The following MYOM1 variants were observed in gnomAD, a reference collection of about 807,000 sequenced individuals.
The protein encoded by MYOM1 is myomesin-1.
A neutral mutation model predicts 205.3 loss-of-function variants in MYOM1; 164 were observed. That is an observed-to-expected ratio of 0.80 (90% CI 0.70 to 0.91). The LOEUF (loss-of-function observed/expected upper bound fraction) is 0.91. Ranked by LOEUF, MYOM1 falls within the 40% of genes least tolerant of loss-of-function variation. MYOM1 has a pLI of 0.00. For synonymous variants in MYOM1, 772 were observed against 789.4 expected (o/e 0.98, Z 0.37); for missense variants, 2,011 against 2,127.3 (o/e 0.95, Z 1.08).
At chr18:3,092,419 T>C (rs1391114116) in intron 26 of MYOM1, among the ~76,000 whole-genome samples, 1 of 151,890 alleles carries the variant, frequency 6.6e-6, no homozygotes, top group Non-Finnish European at 1.5e-5. Context: ...TTTCAAACTC[T>C]GAGCCTCAAG....
chr18:3,147,030 ATAT>A (rs938076498), intron 13 of MYOM1, among the ~76,000 whole-genome samples: 5 of 140,252 alleles, frequency 3.6e-5, no homozygotes, highest in Non-Finnish European at 6.0e-5. Context: ...ATCATCAGAA[ATAT>A]TATATATAAA....
At chr18:3,082,487 C>T (rs985212788) in intron 33 of MYOM1, among the ~76,000 whole-genome samples, 1 of 152,090 alleles carries the variant, frequency 6.6e-6, no homozygotes, top group Non-Finnish European at 1.5e-5. Flanking sequence ...TGAGCAGTGC[C>T]CCCCATATTG....
upstream of MYOM1, among the ~76,000 whole-genome samples, chr18:3,224,657 T>C (rs1185762118): frequency 6.6e-6 from 1 of 151,168 alleles, no homozygotes; most frequent in Non-Finnish European, 1.5e-5. Context: ...GGAAATGGAA[T>C]TATCATTATT....
chr18:3,210,379 G>A (rs1449616966), intron 2 of MYOM1, among the ~76,000 whole-genome samples: 1 of 152,162 alleles, frequency 6.6e-6, no homozygotes, highest in Middle Eastern at 3.2e-3. Context: ...ACGTGGGAGT[G>A]GGGGTGGTTG....
the MYOM1 span, among the ~76,000 whole-genome samples, chr18:3,231,846 CCTT>C: frequency 8.4e-6 from 1 of 119,618 alleles, no homozygotes; most frequent in African/African-American, 3.6e-5. Context: ...CCAGCCGCAT[CCTT>C]TTTTTTTTTT....
At chr18:3,129,643 A>G in intron 17 of MYOM1, 124 bp from the exon 18 acceptor site, 1 of 1,034,446 alleles carries the variant, frequency 9.7e-7, no homozygotes, top group Admixed American at 3.0e-5. Flanking sequence ...CTTGGCTTAA[A>G]GAAAATCGCT....
At chr18:3,150,400 C>T (rs2080201170) in intron 12 of MYOM1, among the ~76,000 whole-genome samples, 4 of 152,272 alleles carry the variant, frequency 2.6e-5, no homozygotes, top group South Asian at 2.1e-4. Flanking sequence ...GATGCCACTA[C>T]ACGTACTGAA....
chr18:3,135,364 A>C lies in MYOM1; in HGVS notation c.2209+183T>G. On this transcript the variant is annotated intron_variant, in intron 15 of 37. Transcript: ENST00000356443. The surrounding 1 kb of genome is among the most constrained non-coding windows in gnomAD (Gnocchi z 4.1). ...TCAATATTGTTGAAACTCCCAAAGA[A>C]GTTTACTTTTCATAAACAAAAATAA... 1 of 529,382 alleles carries C rather than the reference A, an allele frequency of 1.9e-6. No individual in the cohort carries two copies. The highest frequency in any genetic ancestry group is 3.3e-6 in the Non-Finnish European group (1 of 307,468). 32.8% of individuals were successfully genotyped at this position (529,382 alleles called of 1,614,324 possible).
chr18:3,118,493 C>T (rs2079638283), intron 20 of MYOM1, among the ~76,000 whole-genome samples: 1 of 148,144 alleles, frequency 6.8e-6, no homozygotes, highest in African/African-American at 2.4e-5. Flanking sequence ...CCATCATGCC[C>T]AGCTAATTAA....
chr18:3,089,847 T>C (rs941461672), intron 27 of MYOM1, among the ~76,000 whole-genome samples: 4 of 152,238 alleles, frequency 2.6e-5, no homozygotes, highest in Non-Finnish European at 5.9e-5. Context: ...GGCCTTTCCA[T>C]TGCCTTCGTA....
rs1480424411 is a variant in MYOM1, at chr18:3,149,195, G to A, written c.1850C>T (p.Pro617Leu). 1.2e-6 allele frequency: 2 copies of A among 1,612,060 alleles called. No individual in the cohort carries two copies. Among genetic ancestry groups the A allele is most frequent in the South Asian group, 2.2e-5 (2 of 90,586 alleles). Residue 617 changes from proline to leucine, a missense_variant, in exon 13 of 38, where the codon CCC becomes CTC. Pro to Leu is a moderately conservative substitution (Grantham distance 98, BLOSUM62 -3). Transcript: ENST00000356443. Reference sequence around the variant, plus strand: ...GATCTGTCCAGTCCAGGGTGCTGAGGGGCGACCTGAATAAAGACAAATATA... The same window carrying A: ...GATCTGTCCAGTCCAGGGTGCTGAGAGGCGACCTGAATAAAGACAAATATA... ...PAEKARLKSR[P>L]SAPWTGQIIV... is the part of the protein sequence containing the mutation.
At chr18:3,223,868 G>C (rs2081341563), upstream of MYOM1, among the ~76,000 whole-genome samples, 1 of 152,072 alleles carries the variant, frequency 6.6e-6, no homozygotes. Context: ...TTTCTTTTAA[G>C]TCTTTGTGTA....
chr18:3,174,709 A>C (rs1208923116), intron 6 of MYOM1, among the ~76,000 whole-genome samples: 1 of 152,128 alleles, frequency 6.6e-6, no homozygotes, highest in Non-Finnish European at 1.5e-5. Context: ...GAAGAGAAAG[A>C]AGCAGTCCCT....
chr18:3,143,703 T>A (rs2080083174), intron 13 of MYOM1, among the ~76,000 whole-genome samples: 1 of 151,548 alleles, frequency 6.6e-6, no homozygotes, highest in Non-Finnish European at 1.5e-5. Flanking sequence ...GAGTTTGAGA[T>A]GAGCCTGGGC....
chr18:3,084,996 G>T (rs1486238612), intron 31 of MYOM1, 49 bp downstream of exon 31: 2 of 1,356,966 alleles, frequency 1.5e-6, no homozygotes, highest in Non-Finnish European at 1.0e-6. Flanking sequence ...ATTCTGGTAA[G>T]CTGTATGCAG....
chr18:3,212,077 T>C (rs1177287572), intron 2 of MYOM1, among the ~76,000 whole-genome samples: 18 of 152,180 alleles, frequency 1.2e-4, no homozygotes, highest in Admixed American at 1.0e-3. Flanking sequence ...GTTCTAGGTC[T>C]AAAAAAAGAA....
At chr18:3,173,289 T>G (rs577785005) in intron 8 of MYOM1, among the ~76,000 whole-genome samples, 8 of 152,346 alleles carry the variant, frequency 5.3e-5, no homozygotes, top group Non-Finnish European at 1.0e-4. Flanking sequence ...CTTTATAACT[T>G]AATGCATTTA....
chr18:3,220,258 A>G (rs1007622274), upstream of MYOM1: 7 of 152,066 alleles, frequency 4.6e-5, no homozygotes, highest in African/African-American at 9.7e-5. Context: ...TAGTAATATG[A>G]TTCTCAAAAT....
chr18:3,067,640 G>C (rs940797496), intron 37 of MYOM1, 85 bp from the exon 38 acceptor site: 2 of 1,460,972 alleles, frequency 1.4e-6, no homozygotes, highest in African/African-American at 2.8e-5. Context: ...TGGTGGCTTG[G>C]CATGACCAAA....
Sources: allele counts gnomAD v4.1 joint callset (sites outside exome capture counted in the v4.1 genomes callset), GRCh38; gene constraint gnomAD v4.1.1; non-coding constraint Gnocchi (gnomAD v3.1); transcripts MANE v1.5; gene names NCBI Gene and HGNC (gene_info 2026-07-23, HGNC 2026-07-21).